The following VSNL1 variants were observed in gnomAD, a reference collection of about 807,000 sequenced individuals.
VSNL1 encodes the protein visinin like 1.
VSNL1 carries 6 observed loss-of-function variants against 20.4 expected under a neutral mutation model. The ratio of observed to expected loss-of-function variants is 0.29; its 90% CI spans 0.16 to 0.58. The LOEUF (loss-of-function observed/expected upper bound fraction) is 0.58, where lower values mean the gene tolerates loss of function less well. Among genes scored for constraint, VSNL1 ranks in the 20% least tolerant of loss-of-function variants. The probability of loss-of-function intolerance (pLI) is 0.90; values close to 1 mark genes in which losing one functional copy is unlikely to be tolerated. For synonymous variants in VSNL1, 93 were observed against 86.4 expected, an observed-to-expected ratio of 1.08 and a Z score of -0.42; for missense variants, 100 against 234.5, an observed-to-expected ratio of 0.43 and a Z score of 3.75.
At chr2:17,620,375 C>T (rs1665328055) in intron 2 of VSNL1, among the ~76,000 whole-genome samples, 2 of 152,290 alleles carry the variant, frequency 1.3e-5, no homozygotes, top group Middle Eastern at 3.4e-3. Flanking sequence ...AAGGGATTGG[C>T]AAAGCGAGAA....
intron 2 of VSNL1, among the ~76,000 whole-genome samples, chr2:17,616,122 G>A (rs1378270428): frequency 6.6e-6 from 1 of 152,222 alleles, no homozygotes; most frequent in Non-Finnish European, 1.5e-5. Context: ...CCTCACTGCT[G>A]TGGTCTGTGC....
chr2:17,622,801 T>C (rs1665417435), intron 2 of VSNL1, among the ~76,000 whole-genome samples: 2 of 152,156 alleles, frequency 1.3e-5, no homozygotes, highest in Admixed American at 1.3e-4. Flanking sequence ...TGCCAACAAC[T>C]TCCTGCCTCA....
chr2:17,568,473 T>A (rs1664007770), intron 1 of VSNL1, among the ~76,000 whole-genome samples: 1 of 152,230 alleles, frequency 6.6e-6, no homozygotes, highest in Non-Finnish European at 1.5e-5. Flanking sequence ...GGTTTTGCTA[T>A]GTTGCCTAGG....
chr2:17,620,235 G>A (rs1230154746), intron 2 of VSNL1, among the ~76,000 whole-genome samples: 2 of 152,304 alleles, frequency 1.3e-5, no homozygotes, highest in African/African-American at 2.4e-5. Flanking sequence ...CCCTGGAGAC[G>A]TGAGCCAGGC....
At chr2:17,642,542 T>G (rs1383325728) in intron 2 of VSNL1, among the ~76,000 whole-genome samples, 1 of 152,096 alleles carries the variant, frequency 6.6e-6, no homozygotes, top group African/African-American at 2.4e-5. Flanking sequence ...TCTCTTGACC[T>G]TGTGATCTGC....
intron 1 of VSNL1, among the ~76,000 whole-genome samples, chr2:17,549,649 T>G (rs1403849526): frequency 1.3e-5 from 2 of 151,644 alleles, no homozygotes; most frequent in African/African-American, 2.4e-5. Flanking sequence ...AAACAAAGAG[T>G]TTTTTGAAAC....
At chr2:17,606,721 C>A (rs995839773) in intron 2 of VSNL1, among the ~76,000 whole-genome samples, 2 of 152,148 alleles carry the variant, frequency 1.3e-5, no homozygotes, top group Non-Finnish European at 2.9e-5. Context: ...TGGTTACCTA[C>A]CAGATGGTCC....
At chr2:17,569,317 T>A (rs924493021) in intron 1 of VSNL1, among the ~76,000 whole-genome samples, 49 of 147,652 alleles carry the variant, frequency 3.3e-4, no homozygotes, top group East Asian at 1.4e-3. Context: ...AAAAAAAAAA[T>A]AAAAATAAAA....
chr2:17,644,467 A>G (rs902934889), intron 2 of VSNL1, among the ~76,000 whole-genome samples: 7 of 152,178 alleles, frequency 4.6e-5, no homozygotes, highest in African/African-American at 1.7e-4. Context: ...AGCCTCTGAG[A>G]TACAGTGTAG....
At chr2:17,618,418 T>G (rs1665270431) in intron 2 of VSNL1, among the ~76,000 whole-genome samples, 1 of 152,254 alleles carries the variant, frequency 6.6e-6, no homozygotes, top group African/African-American at 2.4e-5. Context: ...TTGCTTACAC[T>G]GTCACGTCCC....
intron 2 of VSNL1, among the ~76,000 whole-genome samples, chr2:17,627,770 C>T (rs1665545653): frequency 6.6e-6 from 1 of 152,208 alleles, no homozygotes; most frequent in Non-Finnish European, 1.5e-5. Flanking sequence ...GAGGAAGTTG[C>T]AAATTTTATG....
chr2:17,578,613 C>G (rs1023870724), intron 1 of VSNL1, among the ~76,000 whole-genome samples: 6 of 152,214 alleles, frequency 3.9e-5, no homozygotes, highest in Non-Finnish European at 1.5e-5. Context: ...CACATGCTAC[C>G]TGTGCTCTCA....
intron 1 of VSNL1, among the ~76,000 whole-genome samples, chr2:17,565,418 T>C (rs1663913800): frequency 6.6e-6 from 1 of 152,172 alleles, no homozygotes; most frequent in South Asian, 2.1e-4. Context: ...AATCATTCTA[T>C]TTAATTTGGT....
At chr2:17,626,028 A>G (rs1041062629) in intron 2 of VSNL1, among the ~76,000 whole-genome samples, 1 of 151,940 alleles carries the variant, frequency 6.6e-6, no homozygotes, top group Non-Finnish European at 1.5e-5. Context: ...CTTGTTGGCC[A>G]GGCTGGTCTC....
intron 2 of VSNL1, among the ~76,000 whole-genome samples, chr2:17,616,506 C>A (rs1456784422): frequency 6.6e-6 from 1 of 152,218 alleles, no homozygotes; most frequent in Admixed American, 6.5e-5. Context: ...ATAGAGTGTA[C>A]TTCTCCAAAC....
chr2:17,621,630 GT>G, intron 2 of VSNL1, among the ~76,000 whole-genome samples: 1 of 150,864 alleles, frequency 6.6e-6, no homozygotes, highest in South Asian at 2.1e-4. Context: ...CTACTCTTTT[GT>G]TTTATTTTTT....
rs547990151 is a variant in VSNL1 at position 17,606,606 on chromosome 2, C to G, written c.162+14370C>G. ...CCCACCATGAGGAATTACAACTTCC[C>G]TCTCTAGCAGACTTCATGACCATAA... On this transcript the variant is annotated intron_variant, in intron 2 of 3. Coordinates refer to ENST00000295156, the MANE Select transcript of VSNL1 (RefSeq NM_003385.5). Among the ~76,000 whole-genome samples the G allele has an allele frequency of 1.1e-4, 16 of 152,266 alleles. No homozygotes were observed. The South Asian group carries it at 3.3e-3, about 32-fold the overall frequency.
chr2:17,603,156 G>A (rs1356930293), intron 2 of VSNL1, among the ~76,000 whole-genome samples: 1 of 152,194 alleles, frequency 6.6e-6, no homozygotes, highest in East Asian at 1.9e-4. Flanking sequence ...ACCTAAGAAA[G>A]GGCACAAGGG....
intron 1 of VSNL1, among the ~76,000 whole-genome samples, chr2:17,549,709 G>C (rs1200125774): frequency 6.6e-6 from 1 of 152,202 alleles, no homozygotes; most frequent in African/African-American, 2.4e-5. Context: ...GATATTCCCA[G>C]TGCTCATTTT....
Sources: gnomAD v4.1 joint callset for allele counts (sites outside exome capture counted in the v4.1 genomes callset) on GRCh38, gnomAD v4.1.1 for gene constraint, MANE v1.5 for transcripts, NCBI Gene and HGNC (gene_info 2026-07-23, HGNC 2026-07-21) for gene names.